The following ENAH variants were observed in gnomAD, a reference collection of about 807,000 sequenced individuals.
ENAH encodes ENAH actin regulator.
A neutral mutation model predicts 78.7 loss-of-function variants in ENAH; 23 were observed. That is an observed-to-expected ratio of 0.29 (90% confidence interval 0.21 to 0.41). ENAH has a LOEUF of 0.41. Ranked by LOEUF, ENAH falls within the 10% of genes least tolerant of loss-of-function variation. ENAH has a pLI of 1.00. For synonymous variants in ENAH, 226 were observed against 241.0 expected, an observed-to-expected ratio of 0.94 and a Z score of 0.58; for missense variants, 544 against 691.0, an observed-to-expected ratio of 0.79 and a Z score of 2.39.
At chr1:225,509,852 C>T (rs1223713740) in intron 10 of ENAH, among the ~76,000 whole-genome samples, 3 of 152,204 alleles carry the variant, frequency 2.0e-5, no homozygotes, top group Non-Finnish European at 4.4e-5. Context: ...CAACTCCATA[C>T]CTTGCTCATG....
chr1:225,548,442 T>C lies in ENAH; in HGVS notation c.349+6464A>G, dbSNP rs914525081. On this transcript the variant is annotated intron_variant, in intron 3 of 13. Transcript: ENST00000366843. ...ACAATAAAGACCTTAACAGTTTACT[T>C]AAAAACACAAAACTAAAAGTAAATT... Among the ~76,000 whole-genome samples, 3 of 152,226 alleles carry C rather than the reference T, an allele frequency of 2.0e-5. 1 individual carries two copies. Among genetic ancestry groups the C allele is most frequent in the South Asian group, 4.1e-4 (2 of 4,830 alleles).
chr1:225,649,694 A>G (rs1662611382), intron 1 of ENAH, among the ~76,000 whole-genome samples: 1 of 152,168 alleles, frequency 6.6e-6, no homozygotes, highest in East Asian at 1.9e-4. Flanking sequence ...AAGTAAATCT[A>G]TATACTGCAT....
rs2096739630 is a variant in ENAH at position 225,567,257 on chromosome 1, C to T, written c.163G>A (p.Asp55Asn). ...TTGTAGTAAAGCCTTACCTGATGGT[C>T]CTGAATCTTCCTGCCCACCACTCTG... Reference protein sequence around the residue: ...TFRVVGRKIQDHQVVINCAIP... With the variant: ...TFRVVGRKIQNHQVVINCAIP... The change falls in exon 2 of 14, where the codon GAC becomes AAC. Residue 55 changes from aspartate (D) to asparagine (N), a missense_variant. Asp to Asn is a conservative substitution (Grantham distance 23, BLOSUM62 1). Around this residue, in one of 4 missense-constraint regions of ENAH, gnomAD observed 77 missense variants for 151.8 expected, o/e 0.51. Transcript: ENST00000366843. 1 of 1,613,402 alleles carries T rather than the reference C, an allele frequency of 6.2e-7. No homozygotes were observed. Among genetic ancestry groups the T allele is most frequent in the African/African-American group, 1.3e-5 (1 of 74,842 alleles).
At chr1:225,608,722 A>G (rs1320792272) in intron 1 of ENAH, among the ~76,000 whole-genome samples, 1 of 149,444 alleles carries the variant, frequency 6.7e-6, no homozygotes, top group East Asian at 2.0e-4. Flanking sequence ...AGGCTGAGGC[A>G]GGAAAATCGC....
In ENAH at chr1:225,584,447, C is replaced by A. The variant is rs143403233; in HGVS notation, c.6-17033G>T. Among the ~76,000 whole-genome samples, 1,004 of 152,032 alleles carry A rather than the reference C, an allele frequency of 6.6e-3. 14 individuals carry two copies. Among genetic ancestry groups the A allele is most frequent in the African/African-American group, 0.023 (945 of 41,468 alleles). On this transcript the variant is annotated intron_variant, in intron 1 of 13. Transcript: ENST00000366843. ...TCAGTAGAAAAATTAAAATAGAATT[C>A]TAAAGGTATTCAATTTATCCCCCAA...
At chr1:225,597,675 AAG>A (rs1217843855) in intron 1 of ENAH, among the ~76,000 whole-genome samples, 5 of 150,152 alleles carry the variant, frequency 3.3e-5, no homozygotes, top group African/African-American at 5.0e-5. Flanking sequence ...AAAAAAAAAA[AAG>A]ACGCTAAAGA....
chr1:225,572,810 A>G (rs146586471), intron 1 of ENAH, among the ~76,000 whole-genome samples: 175 of 152,356 alleles, frequency 1.1e-3, no homozygotes, highest in African/African-American at 4.1e-3. Flanking sequence ...TTAGTTATAA[A>G]CAAAAACTTC....
At chr1:225,515,086 G>C in intron 6 of ENAH, 186 bp from the exon 7 acceptor site, 1 of 608,772 alleles carries the variant, frequency 1.6e-6, no homozygotes, top group Non-Finnish European at 2.9e-6. Context: ...TAAGGTCCAA[G>C]TATATATAAC....
chr1:225,533,701 C>T (rs2096548757), intron 3 of ENAH, among the ~76,000 whole-genome samples: 1 of 152,076 alleles, frequency 6.6e-6, no homozygotes, highest in African/African-American at 2.4e-5. Flanking sequence ...ATACAGTACC[C>T]TATAAATGAT....
At chr1:225,608,645 G>A (rs1410150341) in intron 1 of ENAH, among the ~76,000 whole-genome samples, 6 of 151,378 alleles carry the variant, frequency 4.0e-5, no homozygotes, top group South Asian at 2.1e-4. Flanking sequence ...GCGAAACCCC[G>A]TCTCTACTAA....
Position 225,554,887 on chromosome 1 carries a change from T to G in ENAH, c.349+19A>C. On this transcript the variant is annotated intron_variant, in intron 3 of 13. Transcript: ENST00000366843. ...TCTGGAAAAAGAAAGAAAATACAAA[T>G]AAACCATGGGCACCTTACCTGTTTC... The G allele has an allele frequency of 6.8e-7, 1 of 1,477,816 alleles. No individual in the cohort carries two copies. The highest frequency in any genetic ancestry group is 9.1e-7 in the Non-Finnish European group (1 of 1,094,260). The allele number at this position is 1,477,816 out of a possible 1,614,324, so 91.5% of individuals were successfully genotyped here. A position where few individuals can be genotyped will look rare whatever the true frequency, so the allele number is the denominator to read the frequency against.
intron 4 of ENAH, among the ~76,000 whole-genome samples, chr1:225,527,045 G>T (rs1342915945): frequency 1.3e-5 from 2 of 152,134 alleles, no homozygotes. Context: ...TTTCTTGCTG[G>T]GCTCTACAGG....
intron 1 of ENAH, among the ~76,000 whole-genome samples, chr1:225,604,199 T>A (rs2096943574): frequency 6.6e-6 from 1 of 152,208 alleles, no homozygotes; most frequent in Non-Finnish European, 1.5e-5. Context: ...CCAAAATTCC[T>A]TATCACTTTG....
intron 1 of ENAH, among the ~76,000 whole-genome samples, chr1:225,592,112 T>C (rs948074976): frequency 2.0e-5 from 3 of 152,234 alleles, no homozygotes; most frequent in Non-Finnish European, 4.4e-5. Context: ...GCGATGTTAC[T>C]CATTACTATT....
At chr1:225,517,797 C>A in intron 5 of ENAH, 1 of 1,551,168 alleles carries the variant, frequency 6.4e-7, no homozygotes, top group Non-Finnish European at 8.7e-7. Context: ...CAAAACGTGT[C>A]GCTGAGTGTC....
intron 1 of ENAH, among the ~76,000 whole-genome samples, chr1:225,615,224 C>T (rs918662316): frequency 2.6e-5 from 4 of 151,810 alleles, no homozygotes; most frequent in African/African-American, 9.7e-5. Context: ...TGTATTTTTT[C>T]GGTGGAGACG....
At chr1:225,507,331 T>TTA (rs1032140798) in intron 11 of ENAH, among the ~76,000 whole-genome samples, 1 of 151,928 alleles carries the variant, frequency 6.6e-6, no homozygotes, top group Non-Finnish European at 1.5e-5. Context: ...GCTCCAAAAA[T>TTA]TATATATATA....
Position 225,547,762 on chromosome 1 carries a change from C to T in ENAH, c.349+7144G>A, listed in dbSNP as rs147488122. On this transcript the variant is annotated intron_variant, in intron 3 of 13. Transcript: ENST00000366843. ...CAGCTCATTCTTCCCACTTTTTGTA[C>T]AGGTATGCTATTCCTCAGGCCTGAT... is the stretch of plus-strand genomic sequence containing the variant. 1.8e-4 allele frequency among the ~76,000 whole-genome samples: 28 copies of T among 152,302 alleles called. No individual in the cohort carries two copies. In the East Asian group the frequency reaches 5.4e-3, roughly 29 times the overall value.
At chr1:225,641,098 C>A (rs1294860227) in intron 1 of ENAH, among the ~76,000 whole-genome samples, 1 of 151,570 alleles carries the variant, frequency 6.6e-6, no homozygotes, top group African/African-American at 2.4e-5. Flanking sequence ...ATCCTGACCT[C>A]GTGATCCACC....
Sources: allele counts gnomAD v4.1 joint callset (sites outside exome capture counted in the v4.1 genomes callset), GRCh38; gene constraint gnomAD v4.1.1; regional missense constraint gnomAD v4.1.1; transcripts MANE v1.5; gene names NCBI Gene and HGNC (gene_info 2026-07-23, HGNC 2026-07-21).